Variants in EML6 observed in about 807,000 individuals in gnomAD.
EML6 encodes the protein EMAP like 6.
In EML6, 154 loss-of-function variants were observed where a neutral mutation model predicts 240.1. The ratio of observed to expected loss-of-function variants is 0.64; its 90% CI spans 0.56 to 0.73. EML6 has a LOEUF of 0.73. Ranked by LOEUF, EML6 falls within the 30% of genes least tolerant of loss-of-function variation. The probability of loss-of-function intolerance (pLI) is 0.00; values close to 1 mark genes in which losing one functional copy is unlikely to be tolerated. For synonymous variants in EML6, 1,148 were observed against 899.0 expected, an observed-to-expected ratio of 1.28 and a Z score of -4.95; for missense variants, 2,964 against 2,474.6, an observed-to-expected ratio of 1.20 and a Z score of -4.20.
chr2:54,750,925 A>AT (rs902414944), intron 2 of EML6, among the ~76,000 whole-genome samples: 5 of 152,170 alleles, frequency 3.3e-5, no homozygotes, highest in Non-Finnish European at 4.4e-5. Context: ...GGAAGGGCCA[A>AT]TTTTTTTAAA....
intron 2 of EML6, among the ~76,000 whole-genome samples, chr2:54,794,107 C>T (rs1325818015): frequency 6.6e-6 from 1 of 152,040 alleles, no homozygotes; most frequent in Non-Finnish European, 1.5e-5. Flanking sequence ...AAATCTTATC[C>T]CAGTGAAGTA....
intron 2 of EML6, among the ~76,000 whole-genome samples, chr2:54,787,730 T>G (rs559649266): frequency 1.3e-5 from 2 of 152,324 alleles, no homozygotes; most frequent in African/African-American, 4.8e-5. Context: ...GGTACTTCCT[T>G]AAGATCTCAA....
intron 12 of EML6, among the ~76,000 whole-genome samples, chr2:54,860,403 A>G (rs67025912): frequency 0.23 from 34,507 of 152,016 alleles, 4,320 homozygotes; most frequent in Middle Eastern, 0.3. Flanking sequence ...AATGCAGCCC[A>G]GTTTCTACCT....
At chr2:54,846,373 G>A (rs1194736098) in intron 8 of EML6, among the ~76,000 whole-genome samples, 1 of 151,558 alleles carries the variant, frequency 6.6e-6, no homozygotes, top group African/African-American at 2.4e-5. Context: ...TATTGATTAT[G>A]TATACTGATA....
intron 3 of EML6, among the ~76,000 whole-genome samples, chr2:54,814,260 C>T (rs1667985576): frequency 6.6e-6 from 1 of 152,196 alleles, no homozygotes; most frequent in Admixed American, 6.5e-5. Flanking sequence ...CTCAGTCTGT[C>T]CTGTCCACCT....
intron 2 of EML6, among the ~76,000 whole-genome samples, chr2:54,809,944 GC>G (rs11323345): frequency 0.81 from 123,090 of 152,044 alleles, 50,053 homozygotes; most frequent in Middle Eastern, 0.89. Context: ...TTTCTGGGAA[GC>G]CTGATGGGAA....
chr2:54,841,634 G>C (rs1232298843), intron 7 of EML6, among the ~76,000 whole-genome samples: 3 of 136,378 alleles, frequency 2.2e-5, no homozygotes, highest in African/African-American at 8.6e-5. Flanking sequence ...CTGTCGCCCA[G>C]GCTGGAGTAC....
intron 26 of EML6, among the ~76,000 whole-genome samples, chr2:54,920,944 A>T (rs1674213986): frequency 1.3e-5 from 2 of 152,224 alleles, no homozygotes; most frequent in South Asian, 4.1e-4. Flanking sequence ...AAAAGGATGG[A>T]CAAAATTCAA....
At chr2:54,969,957 G>A in intron 41 of EML6, 114 bp from the exon 42 acceptor site, 1 of 1,089,034 alleles carries the variant, frequency 9.2e-7, no homozygotes, top group Non-Finnish European at 1.4e-6. Context: ...AAGTCAAAAT[G>A]TTCAATACAT....
At chr2:54,969,306 C>T (rs956918106) in intron 41 of EML6, among the ~76,000 whole-genome samples, 1 of 152,138 alleles carries the variant, frequency 6.6e-6, no homozygotes, top group South Asian at 2.1e-4. Flanking sequence ...TCAGCCCAAG[C>T]AAAACTCCTG....
In EML6 at chr2:54,961,187, T is replaced by TTTTTTTTTTTTTGTTTTTTTTTTTG. The variant is rs1676488931; in HGVS notation, c.4968+865_4968+866insGTTTTTTTTTTTGTTTTTTTTTTTT. 2.4e-3 allele frequency among the ~76,000 whole-genome samples: 13 copies of TTTTTTTTTTTTTGTTTTTTTTTTTG among 5,318 alleles called. 2 individuals are homozygous for TTTTTTTTTTTTTGTTTTTTTTTTTG. The highest frequency in any genetic ancestry group is 3.1e-3 in the Non-Finnish European group (8 of 2,572). The allele number at this position is 5,318 out of a possible 152,430, so 3.5% of individuals were successfully genotyped here. Reference sequence around the variant, plus strand: ...GCCTGGAAGTTATCAGGAAGTAGTTTTTTTTTTTTTTTTTTTGAGACGGAG... The same window carrying TTTTTTTTTTTTTGTTTTTTTTTTTG: ...GCCTGGAAGTTATCAGGAAGTAGTTTTTTTTTTTTTTTGTTTTTTTTTTTGTTTTTTTTTTTTTTTTGAGACGGAG... On this transcript the variant is annotated intron_variant, in intron 35 of 41. Coordinates refer to ENST00000356458, the MANE Select transcript of EML6 (RefSeq NM_001039753.4).
At chr2:54,895,100 A>G (rs898895057) in intron 20 of EML6, 74 bp downstream of exon 20, 1 of 1,365,688 alleles carries the variant, frequency 7.3e-7, no homozygotes, top group African/African-American at 1.4e-5. Flanking sequence ...AGTTTTTAGA[A>G]AACTATTAGC....
chr2:54,964,419 C>T (rs979456870), intron 37 of EML6, among the ~76,000 whole-genome samples, 152 bp from the exon 38 acceptor site: 2 of 152,276 alleles, frequency 1.3e-5, no homozygotes, highest in African/African-American at 2.4e-5. Flanking sequence ...TGTTGAATTC[C>T]GTAGAATGCC....
In EML6 at chr2:54,928,297, A is replaced by G. The variant is rs1264325036; in HGVS notation, c.3676-16A>G. ...ATAACAGTGGCTGGGGTAATAACCA[A>G]TTTCGGGCTTTACAGGGACAGCACG... On this transcript the variant is annotated splice_polypyrimidine_tract_variant and intron_variant, in intron 26 of 41. Coordinates refer to ENST00000356458, the MANE Select transcript of EML6 (RefSeq NM_001039753.4). The G allele has an allele frequency of 6.5e-7, 1 of 1,549,782 alleles. No individual in the cohort carries two copies. The highest frequency in any genetic ancestry group is 8.7e-7 in the Non-Finnish European group (1 of 1,145,394).
rs58185994 is a variant in EML6, at chr2:54,806,612, C to CAAAAAAAAAAAAAAAAAAAAAAAA, written c.198-6611_198-6588dup. ...TGGGCAACAAGAGTGACTCCGTCTCCAAAAAAAAAAAAAAAAAAAAAAAAA... is the reference window on the plus strand; with the variant it reads ...TGGGCAACAAGAGTGACTCCGTCTCCAAAAAAAAAAAAAAAAAAAAAAAAAAAAAAAAAAAAAAAAAAAAAAAAA... On this transcript the variant is annotated intron_variant, in intron 2 of 41. Coordinates refer to ENST00000356458, the MANE Select transcript of EML6 (RefSeq NM_001039753.4). Among the ~76,000 whole-genome samples the CAAAAAAAAAAAAAAAAAAAAAAAA allele has an allele frequency of 4.4e-4, 23 of 52,866 alleles. 1 individual carries two copies. Among genetic ancestry groups the CAAAAAAAAAAAAAAAAAAAAAAAA allele is most frequent in the East Asian group, 2.1e-3 (4 of 1,882 alleles). 34.7% of individuals were successfully genotyped at this position (52,866 alleles called of 152,430 possible). A position where few individuals can be genotyped will look rare whatever the true frequency, so the allele number is the denominator to read the frequency against.
chr2:54,949,390 A>G (rs559865330), intron 29 of EML6, among the ~76,000 whole-genome samples: 6 of 152,274 alleles, frequency 3.9e-5, no homozygotes, highest in African/African-American at 1.4e-4. Flanking sequence ...GTTTCATACA[A>G]TCTTCACACA....
chr2:54,899,761 G>T lies in EML6; in HGVS notation c.3103G>T (p.Ala1035Ser). 6.4e-7 allele frequency: 1 copy of T among 1,551,272 alleles called. No individual in the cohort carries two copies. The highest frequency in any genetic ancestry group is 8.7e-7 in the Non-Finnish European group (1 of 1,146,774). The change falls in exon 22 of 42, where the codon GCA becomes TCA. Residue 1035 changes from alanine to serine, a missense_variant. Physicochemically the swap from Ala to Ser is moderately conservative, Grantham distance 99 (BLOSUM62 1). Coordinates refer to ENST00000356458, the MANE Select transcript of EML6 (RefSeq NM_001039753.4). ...WELSAQHRML[A>S]VRKLKKGGRC... ...ACTATCTGCCCAGCACCGTATGCTG[G>T]CAGTACGGAAACTCAAAAAAGGTAC...
At chr2:54,895,197 G>A in intron 20 of EML6, 76 bp from the exon 21 acceptor site, 1 of 1,483,448 alleles carries the variant, frequency 6.7e-7, no homozygotes, top group Non-Finnish European at 9.2e-7. Context: ...TAGTTCTTTG[G>A]AGCTATAAAA....
rs532649012 is a variant in EML6, at chr2:54,877,635, AC to A, written c.2345-1910del. ...TCCTTCTCCTAAATGCTAAAGAGGG[AC>A]CTTGCCCAATTTAAAGCCTGGTAAC... On this transcript the variant is annotated intron_variant, in intron 16 of 41. Transcript: ENST00000356458. Among the ~76,000 whole-genome samples, 19 of 152,342 alleles carry A rather than the reference AC, an allele frequency of 1.2e-4. No homozygotes were observed. The South Asian group carries it at 3.9e-3, about 32-fold the overall frequency.
Sources: allele counts gnomAD v4.1 joint callset (sites outside exome capture counted in the v4.1 genomes callset), GRCh38; gene constraint gnomAD v4.1.1; transcripts MANE v1.5; gene names NCBI Gene and HGNC (gene_info 2026-07-23, HGNC 2026-07-21).